The following FAM234A variants were observed in gnomAD, a reference collection of about 807,000 sequenced individuals.
FAM234A encodes the protein family with sequence similarity 234 member A.
Under a neutral mutation model 49.1 loss-of-function variants are expected in FAM234A, and 42 were observed. That is an observed-to-expected ratio of 0.86 (90% CI 0.67 to 1.11). The LOEUF is 1.11. FAM234A is among the 50% of genes least tolerant of loss of function. The probability of loss-of-function intolerance (pLI) is 0.00; values close to 1 mark genes in which losing one functional copy is unlikely to be tolerated. For synonymous variants in FAM234A, 369 were observed against 316.2 expected, an observed-to-expected ratio of 1.17 and a Z score of -1.77; for missense variants, 815 against 745.2, an observed-to-expected ratio of 1.09 and a Z score of -1.09.
downstream of FAM234A, among the ~76,000 whole-genome samples, chr16:267,486 AC>A (rs1469918359): frequency 7.3e-6 from 1 of 136,414 alleles, no homozygotes; most frequent in East Asian, 2.4e-4. Flanking sequence ...CACACCTCAT[AC>A]ATGCAATGTG....
chr16:266,325 C>T (rs1326606441), downstream of FAM234A, among the ~76,000 whole-genome samples: 1 of 152,202 alleles, frequency 6.6e-6, no homozygotes, highest in Non-Finnish European at 1.5e-5. Flanking sequence ...TTTGAGGACC[C>T]CTGCCCACCA....
chr16:261,805 C>G (rs571529720), intron 6 of FAM234A, among the ~76,000 whole-genome samples: 19 of 152,346 alleles, frequency 1.2e-4, no homozygotes, highest in South Asian at 4.1e-4. Flanking sequence ...CTGTGAGGCA[C>G]TGGGGCTGCC....
intron 3 of FAM234A, among the ~76,000 whole-genome samples, chr16:259,017 G>A (rs947086027): frequency 1.4e-4 from 22 of 152,276 alleles, no homozygotes; most frequent in African/African-American, 4.1e-4. Context: ...TCTTGACCTC[G>A]TTATCTGCCC....
chr16:267,641 C>CACAT (rs1188427118), downstream of FAM234A, among the ~76,000 whole-genome samples: 9 of 114,396 alleles, frequency 7.9e-5, no homozygotes, highest in African/African-American at 6.3e-4. Context: ...ATGCCTCATA[C>CACAT]GACACGTGCA....
At chr16:259,827 G>A in intron 4 of FAM234A, 142 bp from the exon 5 acceptor site, 2 of 806,082 alleles carry the variant, frequency 2.5e-6, no homozygotes, top group Non-Finnish European at 4.0e-6. Flanking sequence ...GAGCCTGCAA[G>A]ATACAGGAGA....
Position 264,955 on chromosome 16 carries a change from G to A in FAM234A, c.1592G>A (p.Gly531Asp). The A allele has an allele frequency of 1.2e-6, 2 of 1,612,904 alleles. No individual in the cohort carries two copies. The highest frequency in any genetic ancestry group is 1.1e-5 in the South Asian group (1 of 91,046). ...AGCAGGGTGGTCCGCCTGGGTGAGGGTGGGCCAGACAGTGACCAAGCCATC... is the reference window on the plus strand; with the variant it reads ...AGCAGGGTGGTCCGCCTGGGTGAGGATGGGCCAGACAGTGACCAAGCCATC... ...PSSRVVRLGE[G>D]GPDSDQAIRD... The change falls in exon 13 of 13, where the codon GGT becomes GAT. Residue 531 changes from glycine to aspartate, a missense_variant. Physicochemically the swap from Gly to Asp is moderately conservative, Grantham distance 94. Coordinates refer to ENST00000399932, the MANE Select transcript of FAM234A (RefSeq NM_032039.4).
chr16:247,081 G>GT (rs1448566318), intron 1 of FAM234A: 2 of 151,502 alleles, frequency 1.3e-5, no homozygotes, highest in African/African-American at 4.9e-5. Flanking sequence ...TCAGTTGGTG[G>GT]TTTTTTAATT....
chr16:238,799 C>T (rs1437183243), intron 1 of FAM234A, among the ~76,000 whole-genome samples: 1 of 126,558 alleles, frequency 7.9e-6, no homozygotes, highest in Non-Finnish European at 1.7e-5. Flanking sequence ...AAAAAAAAAT[C>T]CCTGGCTGGG....
chr16:265,642 G>C lies in FAM234A; in HGVS notation c.*620G>C. ...TGGTTCCTTTGACCAGGTCCTGTGA[G>C]GAAGCCTGGAGCAAGGGTCTCCCCC... On this transcript the variant is annotated 3_prime_UTR_variant, in exon 13 of 13. Coordinates refer to ENST00000399932, the MANE Select transcript of FAM234A (RefSeq NM_032039.4). 1.0e-6 allele frequency: 1 copy of C among 985,540 alleles called. No individual in the cohort carries two copies. The highest frequency in any genetic ancestry group is 1.2e-6 in the Non-Finnish European group (1 of 830,066). The allele number at this position is 985,540 out of a possible 1,614,324, so 61.0% of individuals were successfully genotyped here.
At chr16:268,000 C>CACACA (rs2051749207), downstream of FAM234A, among the ~76,000 whole-genome samples, 8 of 136,080 alleles carry the variant, frequency 5.9e-5, no homozygotes, top group Non-Finnish European at 9.3e-5. Context: ...ATGCCTCATA[C>CACACA]ACACGCACAC....
chr16:240,888 C>T (rs757857625), intron 1 of FAM234A, among the ~76,000 whole-genome samples: 11 of 152,116 alleles, frequency 7.2e-5, no homozygotes, highest in Non-Finnish European at 1.2e-4. Flanking sequence ...AATCTATAAT[C>T]ATAGTTTTCC....
chr16:252,276 G>A (rs1371252233), intron 2 of FAM234A, among the ~76,000 whole-genome samples: 1 of 150,316 alleles, frequency 6.7e-6, no homozygotes, highest in Non-Finnish European at 1.5e-5. Context: ...CTGCCTCCCA[G>A]GTTCAAGCCA....
Position 265,674 on chromosome 16 carries a change from A to G in FAM234A, c.*652A>G. The G allele has an allele frequency of 1.0e-6, 1 of 985,404 alleles. No homozygotes were observed. The highest frequency in any genetic ancestry group is 1.2e-6 in the Non-Finnish European group (1 of 830,008). The allele number at this position is 985,404 out of a possible 1,614,324, so 61.0% of individuals were successfully genotyped here. ...TGGAGCAAGGGTCTCCCCCAGCAGG[A>G]TGGGTGGGGCCTGCTCTGGAGCTGA... On this transcript the variant is annotated 3_prime_UTR_variant, in exon 13 of 13. Coordinates refer to ENST00000399932, the MANE Select transcript of FAM234A (RefSeq NM_032039.4).
At chr16:262,906 G>A (rs1255379819) in intron 8 of FAM234A, among the ~76,000 whole-genome samples, 4 of 147,164 alleles carry the variant, frequency 2.7e-5, no homozygotes, top group Non-Finnish European at 5.9e-5. Context: ...TGCAACCTCC[G>A]CCTCCCGGGT....
intron 3 of FAM234A, among the ~76,000 whole-genome samples, chr16:255,283 CCT>C (rs1380853061): frequency 6.6e-6 from 1 of 152,200 alleles, no homozygotes; most frequent in Non-Finnish European, 1.5e-5. Flanking sequence ...AGTCACCACA[CCT>C]GGCCCAATTC....
chr16:235,496 A>C (rs1287709328), intron 1 of FAM234A, among the ~76,000 whole-genome samples: 1 of 152,126 alleles, frequency 6.6e-6, no homozygotes, highest in East Asian at 1.9e-4. Flanking sequence ...TCGTTGGCCG[A>C]GAGTTGTCAA....
intron 2 of FAM234A, among the ~76,000 whole-genome samples, chr16:250,733 C>T (rs1416736891): frequency 1.3e-5 from 2 of 152,130 alleles, no homozygotes; most frequent in African/African-American, 2.4e-5. Flanking sequence ...CTCCCTGTTC[C>T]GCACCTGGCC....
chr16:251,952 A>G lies in FAM234A; in HGVS notation c.-34+2298A>G, dbSNP rs544996436. ...GGGGAGGCAGAGCTTACAGTGAGCC[A>G]AGATCATGCCACTGCACTCTAGCCT... On this transcript the variant is annotated intron_variant, in intron 2 of 12. Coordinates refer to ENST00000399932, the MANE Select transcript of FAM234A (RefSeq NM_032039.4). 3.0e-3 allele frequency among the ~76,000 whole-genome samples: 446 copies of G among 147,810 alleles called. 1 individual carries two copies. Among genetic ancestry groups the G allele is most frequent in the African/African-American group, 9.0e-3 (363 of 40,470 alleles).
At chr16:260,328 G>A in intron 5 of FAM234A, 168 bp downstream of exon 5, 1 of 660,176 alleles carries the variant, frequency 1.5e-6, no homozygotes, top group Non-Finnish European at 2.6e-6. Flanking sequence ...CTGCAAGCGT[G>A]TGGAAGGCAC....
Sources: gnomAD v4.1 joint callset for allele counts (sites outside exome capture counted in the v4.1 genomes callset) on GRCh38, gnomAD v4.1.1 for gene constraint, MANE v1.5 for transcripts, NCBI Gene and HGNC (gene_info 2026-07-23, HGNC 2026-07-21) for gene names.